The following KCNT2 variants were observed in gnomAD, a reference collection of about 807,000 sequenced individuals.
KCNT2 encodes potassium sodium-activated channel subfamily T member 2.
KCNT2 carries 67 observed loss-of-function variants against 153.8 expected under a neutral mutation model. The observed-to-expected ratio is 0.44, with a 90% CI of 0.36 to 0.53. The LOEUF (loss-of-function observed/expected upper bound fraction) is 0.53, where lower values mean the gene tolerates loss of function less well. Among genes scored for constraint, KCNT2 ranks in the 20% least tolerant of loss-of-function variants. The pLI is 0.00. For synonymous variants in KCNT2, 500 were observed against 458.8 expected (o/e 1.09, Z -1.15); for missense variants, 975 against 1,354.8 (o/e 0.72, Z 4.40).
intron 26 of KCNT2, among the ~76,000 whole-genome samples, chr1:196,237,212 T>C (rs1654522986): frequency 6.6e-6 from 1 of 151,754 alleles, no homozygotes; most frequent in Admixed American, 6.6e-5. Context: ...ATTACATTCA[T>C]AAAATAATGT....
At chr1:196,315,494 G>A (rs902969085) in intron 21 of KCNT2, among the ~76,000 whole-genome samples, 1 of 151,626 alleles carries the variant, frequency 6.6e-6, no homozygotes, top group African/African-American at 2.4e-5. Context: ...TAACTTACCT[G>A]TTCACAGCTG....
At position 196,257,137 on chromosome 1, in the gene KCNT2, T is replaced by C. The variant is rs562716626; in HGVS notation, c.3211+1057A>G. The C allele has an allele frequency of 3.1e-3, 2,089 of 664,372 alleles. 6 individuals carry two copies. The highest frequency in any genetic ancestry group is 3.6e-3 in the Non-Finnish European group (1,943 of 536,506). 41.2% of individuals were successfully genotyped at this position (664,372 alleles called of 1,614,324 possible). On this transcript the variant is annotated intron_variant, in intron 26 of 27. Transcript: ENST00000294725. ...TTCTGAAAGTCAAAATTCTGAAAGGTAAAATGAGATACCTATCAAATCAGG... is the reference window on the plus strand; with the variant it reads ...TTCTGAAAGTCAAAATTCTGAAAGGCAAAATGAGATACCTATCAAATCAGG...
chr1:196,604,913 A>G (rs1665147170), intron 1 of KCNT2, among the ~76,000 whole-genome samples: 1 of 152,180 alleles, frequency 6.6e-6, no homozygotes, highest in East Asian at 1.9e-4. Flanking sequence ...AGGTGGCACA[A>G]TATAAATTTA....
chr1:196,536,900 T>C (rs1032885605), intron 1 of KCNT2, among the ~76,000 whole-genome samples: 2 of 152,190 alleles, frequency 1.3e-5, no homozygotes, highest in African/African-American at 2.4e-5. Flanking sequence ...TGCCACACTC[T>C]CATGAGCCTG....
intron 19 of KCNT2, among the ~76,000 whole-genome samples, chr1:196,320,822 A>G (rs915254721): frequency 1.3e-5 from 2 of 151,824 alleles, no homozygotes; most frequent in African/African-American, 4.8e-5. Flanking sequence ...ATTACATCTT[A>G]CGAATGTACC....
intron 25 of KCNT2, among the ~76,000 whole-genome samples, chr1:196,273,869 A>G (rs1286279845): frequency 6.6e-6 from 1 of 151,664 alleles, no homozygotes; most frequent in Non-Finnish European, 1.5e-5. Context: ...TCCATACACT[A>G]TAAATGATAT....
chr1:196,446,496 G>A (rs755283246), intron 8 of KCNT2, among the ~76,000 whole-genome samples: 1 of 151,290 alleles, frequency 6.6e-6, no homozygotes, highest in African/African-American at 2.4e-5. Context: ...GCATCTTAGG[G>A]CAGTAAGGGT....
chr1:196,524,697 G>A lies in KCNT2; in HGVS notation c.96-32356C>T, dbSNP rs576082188. On this transcript the variant is annotated intron_variant, in intron 1 of 27. Coordinates refer to ENST00000294725, the MANE Select transcript of KCNT2 (RefSeq NM_198503.5). ...GAAAATCTTCATTTTCCTATATCCC[G>A]GATATCATTATCAAAAAATAATATT... Among the ~76,000 whole-genome samples the A allele has an allele frequency of 7.9e-5, 12 of 151,836 alleles. No individual in the cohort carries two copies. In the East Asian group the frequency reaches 9.7e-4, roughly 12 times the overall value.
intron 21 of KCNT2, among the ~76,000 whole-genome samples, chr1:196,312,327 A>C (rs1044923599): frequency 6.6e-6 from 1 of 151,646 alleles, no homozygotes; most frequent in Non-Finnish European, 1.5e-5. Flanking sequence ...GAACCTCTGG[A>C]CTGGAGGTAG....
intron 8 of KCNT2, among the ~76,000 whole-genome samples, chr1:196,457,750 AC>A (rs1240082016): frequency 2.0e-5 from 3 of 151,968 alleles, no homozygotes; most frequent in African/African-American, 7.2e-5. Context: ...AAGGCTTCTT[AC>A]CTATCTTCCA....
intron 25 of KCNT2, among the ~76,000 whole-genome samples, chr1:196,261,381 C>T (rs1471574995): frequency 6.6e-6 from 1 of 151,866 alleles, no homozygotes; most frequent in Non-Finnish European, 1.5e-5. Context: ...TACATTACTA[C>T]TTTGCCTATC....
chr1:196,260,022 A>C (rs1251377560), intron 25 of KCNT2, among the ~76,000 whole-genome samples: 2 of 151,878 alleles, frequency 1.3e-5, no homozygotes, highest in Non-Finnish European at 3.0e-5. Context: ...CAATAATATC[A>C]ATATGTATTT....
intron 26 of KCNT2, among the ~76,000 whole-genome samples, chr1:196,248,538 G>C (rs1306602126): frequency 2.0e-5 from 3 of 151,944 alleles, no homozygotes; most frequent in Admixed American, 1.3e-4. Flanking sequence ...ACAATGAATA[G>C]GAAGCTGGAA....
At chr1:196,397,830 G>A (rs984965985) in intron 13 of KCNT2, among the ~76,000 whole-genome samples, 3 of 151,284 alleles carry the variant, frequency 2.0e-5, no homozygotes, top group African/African-American at 7.3e-5. Flanking sequence ...ACATTTTAAT[G>A]ACTTTTGGAG....
chr1:196,333,096 T>G (rs79068222), intron 17 of KCNT2, among the ~76,000 whole-genome samples: 3,594 of 143,514 alleles, frequency 0.025, 153 homozygotes, highest in African/African-American at 0.084. Flanking sequence ...AGCTGCAAGT[T>G]TTTTTTTTTT....
At chr1:196,364,942 C>T (rs1374901006) in intron 14 of KCNT2, among the ~76,000 whole-genome samples, 1 of 151,952 alleles carries the variant, frequency 6.6e-6, no homozygotes, top group East Asian at 1.9e-4. Context: ...AATTCTGCGC[C>T]ATGTAAAAGC....
chr1:196,355,467 A>G (rs1667099271), intron 14 of KCNT2, among the ~76,000 whole-genome samples: 1 of 151,796 alleles, frequency 6.6e-6, no homozygotes, highest in Admixed American at 6.6e-5. Flanking sequence ...AAAATGCTAA[A>G]TAGTTTTCAA....
chr1:196,363,687 T>C (rs771531114), intron 14 of KCNT2, among the ~76,000 whole-genome samples: 3 of 152,136 alleles, frequency 2.0e-5, no homozygotes, highest in Non-Finnish European at 4.4e-5. Context: ...CCTTCTGCCA[T>C]GGGATGACAC....
intron 1 of KCNT2, among the ~76,000 whole-genome samples, chr1:196,544,035 A>G (rs1656733665): frequency 6.6e-6 from 1 of 152,146 alleles, no homozygotes; most frequent in South Asian, 2.1e-4. Flanking sequence ...CATCTGCACC[A>G]TGGGATACCA....
Sources: gnomAD v4.1 joint callset for allele counts (sites outside exome capture counted in the v4.1 genomes callset) on GRCh38, gnomAD v4.1.1 for gene constraint, MANE v1.5 for transcripts, NCBI Gene and HGNC (gene_info 2026-07-23, HGNC 2026-07-21) for gene names.